EIF4G3: variants seen among roughly 807,000 people sequenced by gnomAD.
The protein encoded by EIF4G3 is eIF-4-gamma 3.
Under a neutral mutation model 186.4 loss-of-function variants are expected in EIF4G3, and 34 were observed. That is an observed-to-expected ratio of 0.18 (90% CI 0.14 to 0.24). The LOEUF is 0.24. Among genes scored for constraint, EIF4G3 ranks in the 10% least tolerant of loss-of-function variants. The pLI is 1.00. For missense variants in EIF4G3, 1,536 were observed against 1,948.5 expected, an observed-to-expected ratio of 0.79 and a Z score of 3.99; for synonymous variants, 673 against 679.5, an observed-to-expected ratio of 0.99 and a Z score of 0.15.
chr1:20,860,372 A>C lies in EIF4G3; in HGVS notation c.3244+13T>G, dbSNP rs2076068914. 6.2e-7 allele frequency: 1 copy of C among 1,613,936 alleles called. No individual in the cohort carries two copies. The highest frequency in any genetic ancestry group is 2.2e-5 in the East Asian group (1 of 44,856). On this transcript the variant is annotated intron_variant, in intron 24 of 36. Coordinates refer to ENST00000602326, the MANE Select transcript of EIF4G3 (RefSeq NM_001391906.1). ...TTCCAAGTTCTCTAAACCCTGGTGGATTCCGGCCTCACCTGGTCTTCTCTT... is the reference window on the plus strand; with the variant it reads ...TTCCAAGTTCTCTAAACCCTGGTGGCTTCCGGCCTCACCTGGTCTTCTCTT...
chr1:20,886,188 C>CTT lies in EIF4G3; in HGVS notation c.2424+11_2424+12dup. On this transcript the variant is annotated intron_variant, in intron 19 of 36. Coordinates refer to ENST00000602326, the MANE Select transcript of EIF4G3 (RefSeq NM_001391906.1). ...AATTTCAAAAGAATGTTAGGATATG[C>CTT]TTTTGTTCTCACCTGGGTTTTAATG... The CTT allele has an allele frequency of 6.2e-7, 1 of 1,603,694 alleles. No homozygotes were observed.
At chr1:21,142,114 G>A (rs2097350921) in intron 2 of EIF4G3, among the ~76,000 whole-genome samples, 1 of 152,126 alleles carries the variant, frequency 6.6e-6, no homozygotes, top group Admixed American at 6.6e-5. Flanking sequence ...GGAGGCTGAG[G>A]TGGGAGGATC....
chr1:21,078,739 C>T (rs1310768129), intron 3 of EIF4G3, among the ~76,000 whole-genome samples: 1 of 152,224 alleles, frequency 6.6e-6, no homozygotes, highest in African/African-American at 2.4e-5. Context: ...AATCCCAACA[C>T]TTTGGGAGGC....
intron 18 of EIF4G3, among the ~76,000 whole-genome samples, chr1:20,892,145 T>C (rs754715731): frequency 1.3e-5 from 2 of 152,184 alleles, no homozygotes; most frequent in African/African-American, 4.8e-5. Flanking sequence ...CAAAGCAGGT[T>C]TCAAAAGTTG....
chr1:21,108,563 T>G (rs4654902), intron 2 of EIF4G3, among the ~76,000 whole-genome samples: 56,162 of 151,932 alleles, frequency 0.37, 11,019 homozygotes, highest in Non-Finnish European at 0.43. Flanking sequence ...ATATAAGGAC[T>G]AATATAAATG....
At chr1:21,148,428 C>T (rs1238838221) in intron 2 of EIF4G3, among the ~76,000 whole-genome samples, 1 of 151,888 alleles carries the variant, frequency 6.6e-6, no homozygotes, top group Non-Finnish European at 1.5e-5. Context: ...AACAGCCGGG[C>T]GCGGTGGCTC....
At chr1:21,154,981 A>G (rs555210023) in intron 2 of EIF4G3, among the ~76,000 whole-genome samples, 54 of 152,258 alleles carry the variant, frequency 3.5e-4, no homozygotes, top group South Asian at 1.2e-3. Context: ...TATATAGGCC[A>G]GCGGGGCACA....
chr1:21,089,280 C>G, intron 2 of EIF4G3, 67 bp from the exon 3 acceptor site: 1 of 700,558 alleles, frequency 1.4e-6, no homozygotes, highest in African/African-American at 1.8e-5. Flanking sequence ...AAAATTGCAA[C>G]CACAAAATTC....
chr1:21,073,478 C>T (rs1300531188), intron 3 of EIF4G3, among the ~76,000 whole-genome samples: 1 of 152,166 alleles, frequency 6.6e-6, no homozygotes, highest in East Asian at 1.9e-4. Context: ...GGCCTTGGAG[C>T]TCTGCAATAT....
chr1:20,977,191 AT>A (rs932764761), intron 10 of EIF4G3, among the ~76,000 whole-genome samples: 267 of 145,352 alleles, frequency 1.8e-3, no homozygotes, highest in Non-Finnish European at 1.9e-3. Context: ...TATTATTGAA[AT>A]TTTTTTTTTT....
At chr1:20,919,246 T>A (rs1363221176) in intron 14 of EIF4G3, among the ~76,000 whole-genome samples, 2 of 152,216 alleles carry the variant, frequency 1.3e-5, no homozygotes, top group Admixed American at 1.3e-4. Context: ...TCTCACTTAG[T>A]CGCCCAGGCT....
intron 2 of EIF4G3, among the ~76,000 whole-genome samples, chr1:21,159,030 CTTCTT>C (rs1004634665): frequency 6.6e-6 from 1 of 152,066 alleles, no homozygotes; most frequent in African/African-American, 2.4e-5. Flanking sequence ...TACACATTTC[CTTCTT>C]TTATCTGCAA....
At chr1:21,008,766 G>A (rs1018948508) in intron 4 of EIF4G3, among the ~76,000 whole-genome samples, 1 of 152,156 alleles carries the variant, frequency 6.6e-6, no homozygotes, top group African/African-American at 2.4e-5. Flanking sequence ...TTAATGACAT[G>A]GAATGAGTAA....
intron 15 of EIF4G3, among the ~76,000 whole-genome samples, chr1:20,904,581 G>C (rs2091494475): frequency 6.6e-6 from 1 of 152,136 alleles, no homozygotes; most frequent in African/African-American, 2.4e-5. Flanking sequence ...CTCCTGGGTT[G>C]CAGTGATCAT....
At chr1:20,903,123 T>C (rs992709997) in intron 15 of EIF4G3, among the ~76,000 whole-genome samples, 2 of 152,236 alleles carry the variant, frequency 1.3e-5, no homozygotes, top group Admixed American at 6.5e-5. Context: ...ATTTGTAATA[T>C]CTGAAAAAAT....
Position 20,893,695 on chromosome 1 carries a change from A to T in EIF4G3, c.2134-59T>A, listed in dbSNP as rs1464084270. ...GTTCCAGAGCATTCCCTGCCACAAA[A>T]GATAACAAAAATTTTTACTGAAAAG... is the stretch of plus-strand genomic sequence containing the variant. On this transcript the variant is annotated intron_variant, in intron 17 of 36. Transcript: ENST00000602326. 2.8e-6 allele frequency: 4 copies of T among 1,425,834 alleles called. No homozygotes were observed. In the African/African-American group the frequency reaches 5.8e-5, roughly 21 times the overall value. The allele number at this position is 1,425,834 out of a possible 1,614,324, so 88.3% of individuals were successfully genotyped here.
At chr1:21,024,501 T>C (rs1394379912) in intron 4 of EIF4G3, among the ~76,000 whole-genome samples, 4 of 151,654 alleles carry the variant, frequency 2.6e-5, no homozygotes, top group African/African-American at 9.7e-5. Context: ...CGTGTCTGTG[T>C]AGAAAGAAGT....
chr1:20,981,676 ATG>A (rs1336690408), intron 8 of EIF4G3, among the ~76,000 whole-genome samples: 1 of 125,376 alleles, frequency 8.0e-6, no homozygotes, highest in East Asian at 2.5e-4. Context: ...CACATACTGT[ATG>A]TATACATACA....
intron 16 of EIF4G3, among the ~76,000 whole-genome samples, chr1:20,899,040 G>A (rs2089450521): frequency 6.6e-6 from 1 of 152,080 alleles, no homozygotes; most frequent in African/African-American, 2.4e-5. Flanking sequence ...CAAACTTTCT[G>A]TCAAAGGAAC....
Sources: allele counts gnomAD v4.1 joint callset (sites outside exome capture counted in the v4.1 genomes callset), GRCh38; gene constraint gnomAD v4.1.1; transcripts MANE v1.5; gene names NCBI Gene and HGNC (gene_info 2026-07-23, HGNC 2026-07-21).